The following PEBP4 variants were observed in gnomAD, a reference collection of about 807,000 sequenced individuals.
PEBP4 encodes phosphatidylethanolamine binding protein 4, also known as phosphatidylethanolamine-binding protein 4.
PEBP4 carries 22 observed loss-of-function variants against 23.9 expected under a neutral mutation model. The ratio of observed to expected loss-of-function variants is 0.92; its 90% CI spans 0.66 to 1.31. PEBP4 has a LOEUF of 1.31. Ranked by LOEUF, PEBP4 falls within the 40% of genes most tolerant of loss-of-function variation. The pLI is 0.00. For missense variants in PEBP4, 324 were observed against 281.7 expected, an observed-to-expected ratio of 1.15 and a Z score of -1.07; for synonymous variants, 112 against 99.3, an observed-to-expected ratio of 1.13 and a Z score of -0.76.
rs1054687596 is a variant in PEBP4 at position 22,908,398 on chromosome 8, A to C, written c.258+11786T>G. ...CAAACAAACAAACAAACAAACAAAA[A>C]AAAAAACCTGTCTAGGAAGAGGCAG... On this transcript the variant is annotated intron_variant, in intron 3 of 6. Coordinates refer to ENST00000256404, the MANE Select transcript of PEBP4 (RefSeq NM_144962.3). 6.2e-3 allele frequency among the ~76,000 whole-genome samples: 949 copies of C among 151,884 alleles called. 14 individuals are homozygous for C. Among genetic ancestry groups the C allele is most frequent in the African/African-American group, 0.022 (908 of 41,334 alleles).
chr8:22,846,654 C>T (rs1427479330), intron 3 of PEBP4, among the ~76,000 whole-genome samples: 1 of 152,148 alleles, frequency 6.6e-6, no homozygotes, highest in Non-Finnish European at 1.5e-5. Flanking sequence ...ATCCCCAAAG[C>T]ATCTCAACTC....
intron 4 of PEBP4, among the ~76,000 whole-genome samples, chr8:22,742,543 T>G (rs1440073919): frequency 6.6e-6 from 1 of 152,180 alleles, no homozygotes; most frequent in South Asian, 2.1e-4. Context: ...GTCACCCCTC[T>G]GGGGACAGAA....
intron 4 of PEBP4, among the ~76,000 whole-genome samples, chr8:22,816,578 C>A (rs1444239240): frequency 6.6e-6 from 1 of 152,236 alleles, no homozygotes. Flanking sequence ...ATTGGCTCAT[C>A]ATGACAATCA....
intron 4 of PEBP4, among the ~76,000 whole-genome samples, chr8:22,730,750 C>T (rs1044411056): frequency 5.3e-5 from 8 of 152,118 alleles, no homozygotes; most frequent in African/African-American, 1.7e-4. Flanking sequence ...CCACTCCTGT[C>T]GAGTCTGAGA....
chr8:22,880,283 ACTGTCCCTG>A (rs1808220288), intron 3 of PEBP4, among the ~76,000 whole-genome samples: 1 of 152,208 alleles, frequency 6.6e-6, no homozygotes, highest in Non-Finnish European at 1.5e-5. Flanking sequence ...CACCTCAACT[ACTGTCCCTG>A]CCATTTACTT....
At chr8:22,800,545 G>T (rs570224751) in intron 4 of PEBP4, among the ~76,000 whole-genome samples, 1 of 152,070 alleles carries the variant, frequency 6.6e-6, no homozygotes, top group African/African-American at 2.4e-5. Flanking sequence ...GAAAATAAAT[G>T]TCCCCTCATT....
In PEBP4 at chr8:22,817,631, G is replaced by T; in HGVS notation, c.357+6C>A. 6.2e-7 allele frequency: 1 copy of T among 1,612,880 alleles called. No homozygotes were observed. Among genetic ancestry groups the T allele is most frequent in the Non-Finnish European group, 8.5e-7 (1 of 1,178,936 alleles). ...TGCGTCAGAGAGTGCCTCTTGGCCT[G>T]CTTACCTTGATATCTGTTACCAGCC... On this transcript the variant is annotated splice_donor_region_variant and intron_variant, in intron 4 of 6. Transcript: ENST00000256404.
intron 3 of PEBP4, among the ~76,000 whole-genome samples, chr8:22,889,911 A>G (rs1382369245): frequency 6.6e-6 from 1 of 152,260 alleles, no homozygotes; most frequent in East Asian, 1.9e-4. Context: ...CAGAATTTAT[A>G]AACTTGCTCC....
At chr8:22,835,165 A>C (rs1807175226) in intron 3 of PEBP4, among the ~76,000 whole-genome samples, 2 of 152,198 alleles carry the variant, frequency 1.3e-5, no homozygotes, top group South Asian at 4.1e-4. Flanking sequence ...ATTTACTGTC[A>C]CTAAGGTATA....
At chr8:22,785,473 G>T (rs917593964) in intron 4 of PEBP4, among the ~76,000 whole-genome samples, 1 of 152,148 alleles carries the variant, frequency 6.6e-6, no homozygotes, top group Non-Finnish European at 1.5e-5. Flanking sequence ...CTGGAATGGG[G>T]TAAGGCTCTA....
At chr8:22,767,070 A>C (rs958776529) in intron 4 of PEBP4, among the ~76,000 whole-genome samples, 12 of 152,176 alleles carry the variant, frequency 7.9e-5, no homozygotes, top group African/African-American at 2.9e-4. Context: ...AGCCATACGA[A>C]GGGGTGTTCC....
intron 6 of PEBP4, among the ~76,000 whole-genome samples, chr8:22,714,196 G>C (rs1804366963): frequency 6.6e-6 from 1 of 152,210 alleles, no homozygotes; most frequent in Non-Finnish European, 1.5e-5. Context: ...CCTCCTCAGG[G>C]GGAGAAAACA....
chr8:22,758,016 A>G (rs1321324397), intron 4 of PEBP4: 1 of 152,198 alleles, frequency 6.6e-6, no homozygotes, highest in Non-Finnish European at 1.5e-5. Flanking sequence ...AGGGGCCCCT[A>G]AGTTAGTCAT....
rs116604902 is a variant in PEBP4, at chr8:22,716,102, G to A, written c.518-2566C>T. 7.0e-3 allele frequency among the ~76,000 whole-genome samples: 1,060 copies of A among 152,306 alleles called. 14 individuals carry two copies. The highest frequency in any genetic ancestry group is 0.025 in the African/African-American group (1,024 of 41,566). ...GGCACTTCAGAGGCCTTGGTGGTGGGAGGCCTTGGCTGAAGGGAGAAAGGA... is the reference window on the plus strand; with the variant it reads ...GGCACTTCAGAGGCCTTGGTGGTGGAAGGCCTTGGCTGAAGGGAGAAAGGA... On this transcript the variant is annotated intron_variant, in intron 6 of 6. Transcript: ENST00000256404.
At chr8:22,789,481 G>A (rs1466786511) in intron 4 of PEBP4, among the ~76,000 whole-genome samples, 3 of 152,102 alleles carry the variant, frequency 2.0e-5, no homozygotes, top group Admixed American at 6.5e-5. Flanking sequence ...GAGAGACCCC[G>A]CTGATACTTA....
intron 3 of PEBP4, among the ~76,000 whole-genome samples, chr8:22,894,174 T>C (rs1004308283): frequency 3.3e-5 from 5 of 149,274 alleles, no homozygotes; most frequent in African/African-American, 7.3e-5. Flanking sequence ...AATTGCACGA[T>C]AGATTATTAT....
At chr8:22,925,580 T>A (rs1311682030) in intron 2 of PEBP4, among the ~76,000 whole-genome samples, 2 of 152,174 alleles carry the variant, frequency 1.3e-5, no homozygotes, top group African/African-American at 4.8e-5. Context: ...GAAGGTGCCC[T>A]GGGACTTCCC....
In PEBP4 at chr8:22,865,061, C is replaced by T. The variant is rs928682815; in HGVS notation, c.259-47326G>A. 3.3e-5 allele frequency among the ~76,000 whole-genome samples: 5 copies of T among 152,060 alleles called. No individual in the cohort carries two copies. The highest frequency in any genetic ancestry group is 9.6e-5 in the African/African-American group (4 of 41,492). The stretch of plus-strand genomic sequence containing the variant: ...CGAGGCCAAGGGGTAGGTCACCAGG[C>T]GGGGACCTGCAGGGCCAGACGCCGA... On this transcript the variant is annotated intron_variant, in intron 3 of 6. Transcript: ENST00000256404. The surrounding 1 kb of genome is among the most constrained non-coding windows in gnomAD (Gnocchi z 6.9).
At chr8:22,766,905 C>A (rs1197700360) in intron 4 of PEBP4, among the ~76,000 whole-genome samples, 3 of 152,168 alleles carry the variant, frequency 2.0e-5, no homozygotes, top group Admixed American at 6.5e-5. Context: ...AAGCTAACAG[C>A]CATGTGGCCT....
Sources: allele counts gnomAD v4.1 joint callset (sites outside exome capture counted in the v4.1 genomes callset), GRCh38; gene constraint gnomAD v4.1.1; non-coding constraint Gnocchi (gnomAD v3.1); transcripts MANE v1.5; gene names NCBI Gene and HGNC (gene_info 2026-07-23, HGNC 2026-07-21).